The following PDE4D variants were observed in gnomAD, a reference collection of about 807,000 sequenced individuals.
PDE4D encodes the protein 3',5'-cyclic-AMP phosphodiesterase 4D.
A neutral mutation model predicts 87.4 loss-of-function variants in PDE4D; 24 were observed. That is an observed-to-expected ratio of 0.27 (90% confidence interval 0.20 to 0.39). The LOEUF (loss-of-function observed/expected upper bound fraction) is 0.39, where lower values mean the gene tolerates loss of function less well. Among genes scored for constraint, PDE4D ranks in the 10% least tolerant of loss-of-function variants. PDE4D has a pLI of 1.00. For synonymous variants in PDE4D, 384 were observed against 383.2 expected, an observed-to-expected ratio of 1.00 and a Z score of -0.02; for missense variants, 714 against 1,041.0, an observed-to-expected ratio of 0.69 and a Z score of 4.32.
intron 1 of PDE4D, among the ~76,000 whole-genome samples, chr5:59,807,426 C>G (rs1767863102): frequency 6.6e-6 from 1 of 152,114 alleles, no homozygotes; most frequent in South Asian, 2.1e-4. Context: ...CAACCCTATG[C>G]CTGGGGGTGG....
At chr5:60,413,698 A>T (rs1293914048) in intron 1 of PDE4D, among the ~76,000 whole-genome samples, 1 of 149,516 alleles carries the variant, frequency 6.7e-6, no homozygotes. Flanking sequence ...TTTAATTTTG[A>T]ATTTCTTTTT....
intron 1 of PDE4D, among the ~76,000 whole-genome samples, chr5:59,657,748 T>TA (rs1744606900): frequency 6.6e-6 from 1 of 152,212 alleles, no homozygotes; most frequent in South Asian, 2.1e-4. Context: ...TGTTATTAGT[T>TA]AGCTCACAAC....
intron 2 of PDE4D, chr5:60,147,823 C>T (rs139701931): frequency 5.2e-4 from 236 of 455,002 alleles, no homozygotes; most frequent in African/African-American, 4.4e-3. Flanking sequence ...GGCCTTCTTC[C>T]ATAGGCTGCT....
Position 60,430,010 on chromosome 5 carries a change from T to C in PDE4D, c.-90+57932A>G, listed in dbSNP as rs1014622148. 2.1e-5 allele frequency: 11 copies of C among 521,550 alleles called. No individual in the cohort carries two copies. The Admixed American group carries it at 2.1e-4, about 10-fold the overall frequency. The allele number at this position is 521,550 out of a possible 1,614,324, so 32.3% of individuals were successfully genotyped here. A position where few individuals can be genotyped will look rare whatever the true frequency, so the allele number is the denominator to read the frequency against. ...AAATCTTTATCTTCATTACATTTTCTGGACAACCGAACATGGATACAGTAT... is the reference window on the plus strand; with the variant it reads ...AAATCTTTATCTTCATTACATTTTCCGGACAACCGAACATGGATACAGTAT... On this transcript the variant is annotated intron_variant, in intron 1 of 16. Transcript: ENST00000502484.
intron 1 of PDE4D, among the ~76,000 whole-genome samples, chr5:59,653,849 G>C (rs1743919232): frequency 6.6e-6 from 1 of 151,188 alleles, no homozygotes; most frequent in African/African-American, 2.4e-5. Context: ...AAGAGGAAAA[G>C]GGGGAAAGAA....
At chr5:60,281,331 T>C (rs1751879297) in intron 1 of PDE4D, among the ~76,000 whole-genome samples, 1 of 148,862 alleles carries the variant, frequency 6.7e-6, no homozygotes, top group Non-Finnish European at 1.5e-5. Flanking sequence ...GGAAATTTGC[T>C]CTTCCTTCAG....
intron 1 of PDE4D, among the ~76,000 whole-genome samples, chr5:59,690,031 A>C (rs999851610): frequency 6.6e-6 from 1 of 152,198 alleles, no homozygotes; most frequent in East Asian, 1.9e-4. Flanking sequence ...GACCTCTTCA[A>C]GGAGAATTAC....
At position 59,609,890 on chromosome 5, in the gene PDE4D, C is replaced by T. The variant is rs1028407423; in HGVS notation, c.455+283278G>A. ...CTCTCCTAATCATATCCCGGAAATA[C>T]AAAGAGTTGTGTGGAGAACTGAAAG... On this transcript the variant is annotated intron_variant, in intron 1 of 14. Coordinates refer to ENST00000340635, the MANE Select transcript of PDE4D (RefSeq NM_001104631.2). Among the ~76,000 whole-genome samples the T allele has an allele frequency of 2.0e-5, 3 of 152,082 alleles. No homozygotes were observed. In the East Asian group the frequency reaches 5.8e-4, roughly 29 times the overall value.
chr5:60,243,186 G>A (rs539547902), intron 1 of PDE4D, among the ~76,000 whole-genome samples: 48 of 152,050 alleles, frequency 3.2e-4, no homozygotes, highest in African/African-American at 1.1e-3. Flanking sequence ...TGGCTACTAT[G>A]AGCAACTAAA....
chr5:59,899,859 G>A (rs1294093045), intron 3 of PDE4D, among the ~76,000 whole-genome samples: 1 of 152,170 alleles, frequency 6.6e-6, no homozygotes, highest in Non-Finnish European at 1.5e-5. Flanking sequence ...GACAGATCAA[G>A]GAAGTCCATG....
chr5:60,228,144 T>C (rs981706505), intron 1 of PDE4D, among the ~76,000 whole-genome samples: 1 of 152,098 alleles, frequency 6.6e-6, no homozygotes, highest in African/African-American at 2.4e-5. Flanking sequence ...TTTCCTAATA[T>C]TCATGTACTC....
At chr5:59,573,460 T>C (rs111360621) in intron 1 of PDE4D, among the ~76,000 whole-genome samples, 2,630 of 152,150 alleles carry the variant, frequency 0.017, 84 homozygotes, top group African/African-American at 0.06. Flanking sequence ...ACCGAACCAC[T>C]GTCAGTACTG....
At chr5:60,043,298 G>GA (rs1230603848) in intron 2 of PDE4D, among the ~76,000 whole-genome samples, 5 of 152,008 alleles carry the variant, frequency 3.3e-5, no homozygotes, top group African/African-American at 7.2e-5. Flanking sequence ...GGGACTATGT[G>GA]AAAAAAACAA....
chr5:60,146,954 GA>G (rs1343016129), intron 2 of PDE4D, among the ~76,000 whole-genome samples: 4 of 152,068 alleles, frequency 2.6e-5, no homozygotes, highest in Admixed American at 2.0e-4. Context: ...TTATGAAGAA[GA>G]AAAAAAGATA....
intron 1 of PDE4D, among the ~76,000 whole-genome samples, chr5:59,394,423 T>C (rs971318569): frequency 1.3e-5 from 2 of 152,192 alleles, no homozygotes; most frequent in Admixed American, 6.5e-5. Context: ...GGCCAAGATG[T>C]TCTGACAGCC....
intron 1 of PDE4D, among the ~76,000 whole-genome samples, chr5:59,840,573 T>C (rs1742838263): frequency 6.6e-6 from 1 of 151,940 alleles, no homozygotes; most frequent in Non-Finnish European, 1.5e-5. Context: ...GGGGCTTATC[T>C]GAAAAACTAC....
chr5:60,204,192 A>G lies in PDE4D; in HGVS notation c.-89-18505T>C, dbSNP rs560656551. 1.9e-3 allele frequency among the ~76,000 whole-genome samples: 295 copies of G among 152,294 alleles called. 1 individual carries two copies. Among genetic ancestry groups the G allele is most frequent in the African/African-American group, 6.8e-3 (283 of 41,564 alleles). ...CTTTTATCTGTCTGTCTGTCTATCT[A>G]TCTATCTAGCTAGCTAGCTATCTCT... On this transcript the variant is annotated intron_variant, in intron 1 of 16. Coordinates refer to the PDE4D transcript ENST00000502484.
chr5:59,114,758 T>C (rs1369564781), intron 5 of PDE4D, among the ~76,000 whole-genome samples: 1 of 151,666 alleles, frequency 6.6e-6, no homozygotes, highest in Non-Finnish European at 1.5e-5. Flanking sequence ...TTAGAGAAAC[T>C]TGATGAGAAA....
chr5:60,301,012 G>A (rs1310502755), intron 1 of PDE4D, among the ~76,000 whole-genome samples: 4 of 152,096 alleles, frequency 2.6e-5, no homozygotes, highest in Non-Finnish European at 4.4e-5. Flanking sequence ...CTCATGATCT[G>A]CCTGCCTAGG....
Sources: gnomAD v4.1 joint callset for allele counts (sites outside exome capture counted in the v4.1 genomes callset) on GRCh38, gnomAD v4.1.1 for gene constraint, MANE v1.5 for transcripts, NCBI Gene and HGNC (gene_info 2026-07-23, HGNC 2026-07-21) for gene names.